PTH2R: variants seen among roughly 807,000 people sequenced by gnomAD.
The protein encoded by PTH2R is parathyroid hormone 2 receptor, also known as PTH2 receptor.
In PTH2R, 59 loss-of-function variants were observed where a neutral mutation model predicts 60.3. The observed-to-expected ratio is 0.98, with a 90% CI of 0.79 to 1.22. PTH2R has a LOEUF of 1.22. Ranked by LOEUF, PTH2R falls within the 50% of genes most tolerant of loss-of-function variation. The pLI, the probability that PTH2R is intolerant of heterozygous loss-of-function variation, is 0.00. For missense variants in PTH2R, 749 were observed against 682.6 expected (o/e 1.10, Z -1.08); for synonymous variants, 256 against 243.8 (o/e 1.05, Z -0.47).
intron 1 of PTH2R, among the ~76,000 whole-genome samples, chr2:208,409,131 T>A (rs2105833696): frequency 6.6e-6 from 1 of 152,324 alleles, no homozygotes; most frequent in East Asian, 1.9e-4. Context: ...ATCTATAGAT[T>A]ATGAATTGCA....
At position 208,494,311 on chromosome 2, in the gene PTH2R, G is replaced by A. The variant is rs1703484337; in HGVS notation, c.*652G>A. 6.6e-6 allele frequency: 1 copy of A among 152,162 alleles called. No individual in the cohort carries two copies. Among genetic ancestry groups the A allele is most frequent in the South Asian group, 2.1e-4 (1 of 4,832 alleles). The allele number at this position is 152,162 out of a possible 1,614,324, so 9.4% of individuals were successfully genotyped here. On this transcript the variant is annotated 3_prime_UTR_variant, in exon 13 of 13. Transcript: ENST00000272847. Reference sequence around the variant, plus strand: ...CTCTTTGTGACCAGCCAGACCTCAGGTCTTCACTCTTTCTTCTTTGTAAAC... The same window carrying A: ...CTCTTTGTGACCAGCCAGACCTCAGATCTTCACTCTTTCTTCTTTGTAAAC...
chr2:208,392,672 A>G (rs991611001), intron 1 of PTH2R, among the ~76,000 whole-genome samples: 1 of 152,180 alleles, frequency 6.6e-6, no homozygotes, highest in Admixed American at 6.5e-5. Flanking sequence ...GGTAAATATC[A>G]GGTTAGAGTT....
intron 9 of PTH2R, among the ~76,000 whole-genome samples, chr2:208,466,871 C>T (rs1702764802): frequency 6.6e-6 from 1 of 152,118 alleles, no homozygotes; most frequent in South Asian, 2.1e-4. Context: ...GTTTCCTTTG[C>T]TGTGCAGAGG....
At chr2:208,392,466 T>G (rs2125883305) in intron 1 of PTH2R, among the ~76,000 whole-genome samples, 1 of 152,322 alleles carries the variant, frequency 6.6e-6, no homozygotes, top group Non-Finnish European at 1.5e-5. Flanking sequence ...CAACCTATTC[T>G]TCCTTGAGTT....
At chr2:208,440,244 G>C (rs1420689843) in intron 4 of PTH2R, among the ~76,000 whole-genome samples, 1 of 152,166 alleles carries the variant, frequency 6.6e-6, no homozygotes, top group Admixed American at 6.5e-5. Context: ...AACATAGGGA[G>C]ATGCCATCTC....
intron 10 of PTH2R, among the ~76,000 whole-genome samples, chr2:208,486,538 G>A (rs143647921): frequency 2.4e-4 from 37 of 152,326 alleles, no homozygotes; most frequent in Middle Eastern, 3.4e-3. Context: ...TTGATTTTGA[G>A]AACGGTCTCT....
intron 1 of PTH2R, among the ~76,000 whole-genome samples, chr2:208,396,032 AC>A (rs1701202043): frequency 6.6e-6 from 1 of 152,214 alleles, no homozygotes; most frequent in African/African-American, 2.4e-5. Context: ...CTGATCTTTG[AC>A]AAACCTGACA....
intron 1 of PTH2R, chr2:208,360,699 G>T: frequency 6.5e-6 from 1 of 153,178 alleles, no homozygotes; most frequent in South Asian, 2.0e-4. Context: ...GTGGGGGCCA[G>T]GGTTGCAAGG....
At position 208,493,348 on chromosome 2, in the gene PTH2R, T is replaced by C. The variant is rs1189619143; in HGVS notation, c.1342T>C (p.Cys448Arg). ...KRTPPCGSRR[C>R]GSVLTTVTHS... The stretch of plus-strand genomic sequence containing the variant: ...GACACCGCCATGTGGCAGCCGCAGA[T>C]GCGGCTCAGTGCTCACCACCGTGAC... The change falls in exon 13 of 13, where the codon TGC becomes CGC. Residue 448 changes from cysteine (C) to arginine (R), a missense_variant. Physicochemically the swap from Cys to Arg is radical, Grantham distance 180. Transcript: ENST00000272847. The C allele has an allele frequency of 6.3e-7, 1 of 1,582,008 alleles. No homozygotes were observed. The highest frequency in any genetic ancestry group is 1.1e-5 in the South Asian group (1 of 87,326).
intron 10 of PTH2R, among the ~76,000 whole-genome samples, chr2:208,484,215 A>G (rs1446040744): frequency 6.6e-6 from 1 of 152,250 alleles, no homozygotes; most frequent in Non-Finnish European, 1.5e-5. Flanking sequence ...GAGCTGAGAT[A>G]ATCTCTCCAG....
chr2:208,469,452 G>A (rs1702831989), intron 9 of PTH2R, among the ~76,000 whole-genome samples: 1 of 152,094 alleles, frequency 6.6e-6, no homozygotes, highest in Non-Finnish European at 1.5e-5. Flanking sequence ...GAATTTCTAA[G>A]CAATATATGA....
intron 7 of PTH2R, among the ~76,000 whole-genome samples, chr2:208,447,046 T>TC (rs1490079490): frequency 6.6e-6 from 1 of 152,198 alleles, no homozygotes; most frequent in Non-Finnish European, 1.5e-5. Flanking sequence ...AGATAAATAC[T>TC]CAGAACTCTG....
chr2:208,365,929 AATATATATATAT>A (rs1224025157), intron 1 of PTH2R, among the ~76,000 whole-genome samples: 527 of 43,728 alleles, frequency 0.012, 7 homozygotes, highest in African/African-American at 0.028. Flanking sequence ...ATAATAGATA[AATATATATATAT>A]ATATATATAT....
chr2:208,397,575 T>TG (rs1000977148), intron 1 of PTH2R, among the ~76,000 whole-genome samples: 16 of 151,424 alleles, frequency 1.1e-4, no homozygotes, highest in Middle Eastern at 3.4e-3. Context: ...GAGATAGAGG[T>TG]GGGGGGGCTC....
intron 2 of PTH2R, among the ~76,000 whole-genome samples, chr2:208,431,494 A>C (rs191865785): frequency 3.3e-5 from 5 of 152,338 alleles, no homozygotes; most frequent in African/African-American, 9.6e-5. Flanking sequence ...TTGCAACTGC[A>C]AGGTGCCTAG....
intron 1 of PTH2R, among the ~76,000 whole-genome samples, chr2:208,363,651 C>G (rs55994647): frequency 0.018 from 2,753 of 152,306 alleles, 78 homozygotes; most frequent in African/African-American, 0.063. Flanking sequence ...CCAAGTGTTT[C>G]CTTTTCTGCA....
chr2:208,473,454 T>C (rs748567961), intron 9 of PTH2R, among the ~76,000 whole-genome samples: 9 of 152,180 alleles, frequency 5.9e-5, no homozygotes, highest in Non-Finnish European at 8.8e-5. Context: ...AATGACTTAT[T>C]TGGAGAACAC....
chr2:208,464,347 C>T (rs1476304250), intron 9 of PTH2R, among the ~76,000 whole-genome samples: 1 of 152,156 alleles, frequency 6.6e-6, no homozygotes, highest in African/African-American at 2.4e-5. Context: ...TGATCTTCCC[C>T]GTGACTTGCT....
chr2:208,428,396 C>G (rs1701901338), intron 2 of PTH2R, 93 bp downstream of exon 2: 14 of 828,516 alleles, frequency 1.7e-5, no homozygotes, highest in Non-Finnish European at 2.5e-5. Context: ...TTAGGGAGAT[C>G]CTTATCAGTC....
Sources: allele counts gnomAD v4.1 joint callset (sites outside exome capture counted in the v4.1 genomes callset), GRCh38; gene constraint gnomAD v4.1.1; transcripts MANE v1.5; gene names NCBI Gene and HGNC (gene_info 2026-07-23, HGNC 2026-07-21).